TUFT1: variants seen among roughly 807,000 people sequenced by gnomAD.
The protein encoded by TUFT1 is tuftelin.
In TUFT1, 43 loss-of-function variants were observed where a neutral mutation model predicts 57.8. The observed-to-expected ratio is 0.74, with a 90% CI of 0.58 to 0.96. TUFT1 has a LOEUF of 0.96. TUFT1 is among the 40% of genes least tolerant of loss of function. TUFT1 has a pLI of 0.00. For synonymous variants in TUFT1, 166 were observed against 176.7 expected, an observed-to-expected ratio of 0.94 and a Z score of 0.48; for missense variants, 459 against 489.0, an observed-to-expected ratio of 0.94 and a Z score of 0.58.
intron 12 of TUFT1, among the ~76,000 whole-genome samples, chr1:151,581,281 G>T (rs1338865132): frequency 6.6e-6 from 1 of 152,170 alleles, no homozygotes; most frequent in East Asian, 1.9e-4. Context: ...ACCTGAAATG[G>T]TAGGAAAAAT....
Position 151,558,973 on chromosome 1 carries a change from C to T in TUFT1, c.61-3118C>T, listed in dbSNP as rs185918571. 7.5e-4 allele frequency among the ~76,000 whole-genome samples: 114 copies of T among 152,026 alleles called. 1 individual carries two copies. The East Asian group carries it at 0.015, about 20-fold the overall frequency. On this transcript the variant is annotated intron_variant, in intron 1 of 12. Coordinates refer to ENST00000368849, the MANE Select transcript of TUFT1 (RefSeq NM_020127.3). ...CTGAGTTTTATATTTTCAGTAGAGA[C>T]GGGGTTTCACCATGTTGGCCAGGCT...
intron 1 of TUFT1, among the ~76,000 whole-genome samples, chr1:151,552,676 C>G (rs1335634002): frequency 3.4e-5 from 4 of 118,198 alleles, no homozygotes; most frequent in Non-Finnish European, 6.5e-5. Context: ...TGCACTCCAG[C>G]CTGGCCGACA....
chr1:151,569,152 A>C (rs1332821785), intron 6 of TUFT1, among the ~76,000 whole-genome samples: 1 of 152,180 alleles, frequency 6.6e-6, no homozygotes, highest in Non-Finnish European at 1.5e-5. Flanking sequence ...AAACCTGTCC[A>C]TCCATCAGTA....
chr1:151,569,238 T>C (rs1158899491), intron 6 of TUFT1, among the ~76,000 whole-genome samples: 1 of 152,174 alleles, frequency 6.6e-6, no homozygotes, highest in Admixed American at 6.5e-5. Context: ...CCCTTTGTGA[T>C]GGGCGCGACA....
chr1:151,581,996 C>A lies in TUFT1; in HGVS notation c.*289C>A. On this transcript the variant is annotated 3_prime_UTR_variant, in exon 13 of 13. Coordinates refer to ENST00000368849, the MANE Select transcript of TUFT1 (RefSeq NM_020127.3). ...GTGACTATTTTTCTCTGTAGAGAGC[C>A]TCCCTTCTGTTGTAGACTGGACTCT... is the stretch of plus-strand genomic sequence containing the variant. 1.9e-6 allele frequency: 1 copy of A among 527,850 alleles called. No individual in the cohort carries two copies. The highest frequency in any genetic ancestry group is 3.2e-6 in the Non-Finnish European group (1 of 309,196). 32.7% of individuals were successfully genotyped at this position (527,850 alleles called of 1,614,324 possible).
intron 1 of TUFT1, among the ~76,000 whole-genome samples, chr1:151,553,505 GA>G (rs1472770581): frequency 2.6e-5 from 4 of 152,212 alleles, no homozygotes; most frequent in African/African-American, 9.6e-5. Flanking sequence ...CCCACCTTGA[GA>G]AGAGGGATTC....
At chr1:151,570,656 G>A (rs1336445981) in intron 7 of TUFT1, among the ~76,000 whole-genome samples, 1 of 152,132 alleles carries the variant, frequency 6.6e-6, no homozygotes, top group South Asian at 2.1e-4. Flanking sequence ...TATATGTGAG[G>A]TCTTCCATAT....
Position 151,541,394 on chromosome 1 carries a change from GTT to G in TUFT1, c.60+970_60+971del, listed in dbSNP as rs539990005. On this transcript the variant is annotated intron_variant, in intron 1 of 12. Transcript: ENST00000368849. ...TGAGGAGGGTAATTTGTGGCTGAGT[GTT>G]TCTAGGCTCTTTTGGGGAACTTAAC... 9.6e-3 allele frequency among the ~76,000 whole-genome samples: 1,459 copies of G among 152,294 alleles called. 13 individuals are homozygous for G. Among genetic ancestry groups the G allele is most frequent in the Non-Finnish European group, 0.015 (1,029 of 68,026 alleles).
At chr1:151,569,576 T>C in intron 6 of TUFT1, 81 bp from the exon 7 acceptor site, 1 of 1,132,976 alleles carries the variant, frequency 8.8e-7, no homozygotes, top group Non-Finnish European at 1.3e-6. Flanking sequence ...TCCAAACCAG[T>C]GTGTGCCTGG....
chr1:151,559,284 A>C (rs1665808429), intron 1 of TUFT1, among the ~76,000 whole-genome samples: 1 of 152,214 alleles, frequency 6.6e-6, no homozygotes, highest in African/African-American at 2.4e-5. Flanking sequence ...AGTTAACAGA[A>C]GGGGTAATTC....
At chr1:151,566,289 C>A in intron 6 of TUFT1, 61 bp downstream of exon 6, 1 of 1,379,108 alleles carries the variant, frequency 7.3e-7, no homozygotes, top group Non-Finnish European at 1.0e-6. Context: ...GCCTCCTCCC[C>A]ATCCTTTTGT....
intron 1 of TUFT1, among the ~76,000 whole-genome samples, chr1:151,560,597 T>C (rs542989352): frequency 6.6e-6 from 1 of 152,348 alleles, no homozygotes; most frequent in South Asian, 2.1e-4. Context: ...ATGTCATTTA[T>C]GCAGCTGGGC....
At chr1:151,553,772 C>CA (rs1665585445) in intron 1 of TUFT1, among the ~76,000 whole-genome samples, 1 of 152,194 alleles carries the variant, frequency 6.6e-6, no homozygotes, top group African/African-American at 2.4e-5. Context: ...ATCCCAGCAT[C>CA]AGTGTCTCAG....
At chr1:151,574,096 T>C (rs1666358850) in intron 7 of TUFT1, among the ~76,000 whole-genome samples, 174 bp from the exon 8 acceptor site, 1 of 151,794 alleles carries the variant, frequency 6.6e-6, no homozygotes, top group African/African-American at 2.4e-5. Flanking sequence ...CCTGCTGGAG[T>C]GCTGAGGTGG....
Position 151,557,851 on chromosome 1 carries a change from G to C in TUFT1, c.61-4240G>C, listed in dbSNP as rs374690691. On this transcript the variant is annotated intron_variant, in intron 1 of 12. Coordinates refer to ENST00000368849, the MANE Select transcript of TUFT1 (RefSeq NM_020127.3). ...ACGGAGTGCTGTGCCGCCTGGTGCC[G>C]ACAGCAAAGCTGAGGCTGGGGCTGG... 2.7e-5 allele frequency: 20 copies of C among 741,892 alleles called. No individual in the cohort carries two copies. In the East Asian group the frequency reaches 4.0e-4, roughly 15 times the overall value. The allele number at this position is 741,892 out of a possible 1,614,324, so 46.0% of individuals were successfully genotyped here.
At position 151,553,181 on chromosome 1, in the gene TUFT1, TC is replaced by T. The variant is rs375159504; in HGVS notation, c.61-8907del. ...ATCTTGGCTCACAGCAACCTCCACC[TC>T]CCAGGTTCAAGCAATTCTCCTGCCT... On this transcript the variant is annotated intron_variant, in intron 1 of 12. Coordinates refer to ENST00000368849, the MANE Select transcript of TUFT1 (RefSeq NM_020127.3). 5.0e-3 allele frequency among the ~76,000 whole-genome samples: 763 copies of T among 152,156 alleles called. 10 individuals are homozygous for T. Among genetic ancestry groups the T allele is most frequent in the African/African-American group, 0.014 (597 of 41,500 alleles).
chr1:151,569,635 C>T (rs751707612), intron 6 of TUFT1, 22 bp from the exon 7 acceptor site: 1 of 1,601,998 alleles, frequency 6.2e-7, no homozygotes, highest in Non-Finnish European at 8.6e-7. Context: ...GCTTCCCCTT[C>T]CCTTCCTTGT....
intron 1 of TUFT1, among the ~76,000 whole-genome samples, chr1:151,548,305 C>CTTTTTTTTT (rs11435666): frequency 7.7e-6 from 1 of 130,582 alleles, no homozygotes; most frequent in Non-Finnish European, 1.6e-5. Flanking sequence ...TTTTTCTTTT[C>CTTTTTTTTT]TTTTTTTTTT....
rs1479597594 is a variant in TUFT1, at chr1:151,583,399, C to T, written c.*1692C>T. 6.6e-6 allele frequency: 1 copy of T among 152,178 alleles called. No individual in the cohort carries two copies. Among genetic ancestry groups the T allele is most frequent in the East Asian group, 1.9e-4 (1 of 5,200 alleles). 9.4% of individuals were successfully genotyped at this position (152,178 alleles called of 1,614,324 possible). On this transcript the variant is annotated 3_prime_UTR_variant, in exon 13 of 13. Transcript: ENST00000368849. ...CTTAAGTCTGTGTGTTTCTGTGTCT[C>T]AAGACTGGGCTCACATTCTGGCTTT...
Sources: allele counts gnomAD v4.1 joint callset (sites outside exome capture counted in the v4.1 genomes callset), GRCh38; gene constraint gnomAD v4.1.1; transcripts MANE v1.5; gene names NCBI Gene and HGNC (gene_info 2026-07-23, HGNC 2026-07-21).